BRAF: variants seen among roughly 807,000 people sequenced by gnomAD.
BRAF encodes B-Raf proto-oncogene, serine/threonine kinase, also known as serine/threonine-protein kinase B-raf.
A neutral mutation model predicts 104.6 loss-of-function variants in BRAF; 16 were observed. The ratio of observed to expected loss-of-function variants is 0.15; its 90% CI spans 0.10 to 0.23. The LOEUF is 0.23. BRAF is among the 10% of genes least tolerant of loss of function. The pLI is 1.00. For synonymous variants in BRAF, 310 were observed against 341.6 expected (o/e 0.91, Z 1.02); for missense variants, 541 against 937.3 (o/e 0.58, Z 5.52).
chr7:140,891,861 T>C (rs1366429762), intron 1 of BRAF, among the ~76,000 whole-genome samples: 5 of 152,206 alleles, frequency 3.3e-5, no homozygotes, highest in Non-Finnish European at 5.9e-5. Context: ...AAGGATTTGA[T>C]TGGTATTAAA....
At chr7:140,739,519 T>G (rs1391124308) in intron 18 of BRAF, among the ~76,000 whole-genome samples, 1 of 135,110 alleles carries the variant, frequency 7.4e-6, no homozygotes, top group Non-Finnish European at 1.7e-5. Context: ...AAGCTCTTTG[T>G]GGGGGGGGGG....
At chr7:140,802,182 T>C (rs909608290) in intron 5 of BRAF, among the ~76,000 whole-genome samples, 1 of 152,088 alleles carries the variant, frequency 6.6e-6, no homozygotes, top group African/African-American at 2.4e-5. Flanking sequence ...ATGGACTTCA[T>C]ACCACAGTGG....
the BRAF span, among the ~76,000 whole-genome samples, chr7:140,713,362 C>A: frequency 6.6e-6 from 1 of 152,282 alleles, no homozygotes; most frequent in South Asian, 2.1e-4. Context: ...TCATTCATTT[C>A]ATCTTCCATC....
At chr7:140,886,841 A>G (rs1162940940) in intron 1 of BRAF, among the ~76,000 whole-genome samples, 4 of 152,194 alleles carry the variant, frequency 2.6e-5, no homozygotes, top group East Asian at 3.9e-4. Context: ...AGCCCAGGAC[A>G]TAAGTAATTT....
intron 17 of BRAF, 146 bp from the exon 17 acceptor site, chr7:140,740,092 T>C: frequency 1.2e-6 from 1 of 805,174 alleles, no homozygotes; most frequent in Non-Finnish European, 1.9e-6. Context: ...AAAAAACCAA[T>C]GCCACATCAT....
intron 1 of BRAF, among the ~76,000 whole-genome samples, chr7:140,916,001 A>C (rs1009778864): frequency 7.9e-5 from 12 of 152,134 alleles, no homozygotes; most frequent in Middle Eastern, 3.4e-3. Flanking sequence ...AACAAACAAA[A>C]AAAACCCAAG....
intron 7 of BRAF, among the ~76,000 whole-genome samples, chr7:140,798,660 AT>A (rs1321840557): frequency 6.6e-6 from 1 of 150,682 alleles, no homozygotes; most frequent in Non-Finnish European, 1.5e-5. Context: ...TGTGTCAGAA[AT>A]GTTCCAAAGC....
intron 17 of BRAF, among the ~76,000 whole-genome samples, chr7:140,746,437 C>A (rs1562937771): frequency 6.6e-6 from 1 of 152,092 alleles, no homozygotes. Flanking sequence ...AAAAGGCACA[C>A]TACTTTGCAA....
At chr7:140,768,826 G>A (rs1799572671) in intron 14 of BRAF, among the ~76,000 whole-genome samples, 1 of 151,778 alleles carries the variant, frequency 6.6e-6, no homozygotes. Flanking sequence ...ACTGTGAAAG[G>A]GGGTTGCTAT....
intron 3 of BRAF, among the ~76,000 whole-genome samples, chr7:140,830,112 T>A (rs1340792584): frequency 2.0e-5 from 3 of 152,248 alleles, no homozygotes; most frequent in Admixed American, 2.0e-4. Context: ...TCTGTGGTCC[T>A]CTGAATGACT....
At chr7:140,762,434 G>C (rs1413664960) in intron 14 of BRAF, among the ~76,000 whole-genome samples, 2 of 152,118 alleles carry the variant, frequency 1.3e-5, no homozygotes, top group African/African-American at 4.8e-5. Flanking sequence ...ACAAGAGAAA[G>C]CAGGAAAGAT....
Position 140,896,191 on chromosome 7 carries a change from G to A in BRAF, c.138+28375C>T, listed in dbSNP as rs77593714. Among the ~76,000 whole-genome samples the A allele has an allele frequency of 7.6e-3, 1,164 of 152,236 alleles. 18 individuals are homozygous for A. Among genetic ancestry groups the A allele is most frequent in the African/African-American group, 0.026 (1,100 of 41,520 alleles). On this transcript the variant is annotated intron_variant, in intron 1 of 19. Coordinates refer to ENST00000644969, the MANE Select transcript of BRAF (RefSeq NM_001374258.1). ...ACCTGGGGCCAGATGATACCACACT[G>A]TGGTTTCACCTTGTAGTTTTGGGTC...
intron 14 of BRAF, among the ~76,000 whole-genome samples, chr7:140,759,730 AAAG>A (rs1285778644): frequency 6.6e-6 from 1 of 152,206 alleles, no homozygotes; most frequent in African/African-American, 2.4e-5. Flanking sequence ...ACGAAACACC[AAAG>A]AAGGAGAGGA....
chr7:140,722,724 CAA>C lies in BRAF; in HGVS notation c.*3768_*3769del. ...GCCTGTGCATGTGACAAAGCTGCAG[CAA>C]ACTCATTATGAGGATGTACTGTCAT... On this transcript the variant is annotated 3_prime_UTR_variant, in exon 20 of 20. Transcript: ENST00000644969. 1 of 1,050,600 alleles carries C rather than the reference CAA, an allele frequency of 9.5e-7. No homozygotes were observed. The highest frequency in any genetic ancestry group is 1.1e-6 in the Non-Finnish European group (1 of 870,162). 65.1% of individuals were successfully genotyped at this position (1,050,600 alleles called of 1,614,324 possible).
At position 140,879,019 on chromosome 7, in the gene BRAF, C is replaced by A. The variant is rs565616624; in HGVS notation, c.139-28807G>T. Among the ~76,000 whole-genome samples the A allele has an allele frequency of 2.0e-5, 3 of 152,096 alleles. No homozygotes were observed. In the South Asian group the frequency reaches 6.2e-4, roughly 32 times the overall value. On this transcript the variant is annotated intron_variant, in intron 1 of 19. Coordinates refer to ENST00000644969, the MANE Select transcript of BRAF (RefSeq NM_001374258.1). Reference sequence around the variant, plus strand: ...CCTCCCAAGCAGTTGGGATTACAGGCATGCACCACCATGCCCAGCTAATTT... The same window carrying A: ...CCTCCCAAGCAGTTGGGATTACAGGAATGCACCACCATGCCCAGCTAATTT...
At chr7:140,808,227 T>C in intron 4 of BRAF, 165 bp from the exon 5 acceptor site, 1 of 679,524 alleles carries the variant, frequency 1.5e-6, no homozygotes, top group Non-Finnish European at 2.7e-6. Flanking sequence ...TAAATTAATT[T>C]TAAGTTTACC....
intron 18 of BRAF, among the ~76,000 whole-genome samples, chr7:140,737,496 G>C (rs963411401): frequency 5.3e-5 from 8 of 152,084 alleles, no homozygotes; most frequent in African/African-American, 1.9e-4. Flanking sequence ...TATTCCCTTT[G>C]CCCATTTTCT....
At position 140,788,216 on chromosome 7, in the gene BRAF, T is replaced by C. The variant is rs771157451; in HGVS notation, c.1141-632A>G. 4.1e-4 allele frequency among the ~76,000 whole-genome samples: 62 copies of C among 152,142 alleles called. 1 individual carries two copies. The highest frequency in any genetic ancestry group is 2.9e-3 in the Admixed American group (45 of 15,278). On this transcript the variant is annotated intron_variant, in intron 8 of 19. Transcript: ENST00000644969. ...TTATACTGGTGCACATTAAGAGAGA[T>C]AAAAATGTTCATATCCTTTGATTCT... is the stretch of plus-strand genomic sequence containing the variant.
chr7:140,731,649 A>G (rs1342758977), intron 19 of BRAF: 1 of 152,224 alleles, frequency 6.6e-6, no homozygotes, highest in Non-Finnish European at 1.5e-5. Context: ...TTTAGTATCT[A>G]AATGGCTGGT....
Sources: allele counts gnomAD v4.1 joint callset (sites outside exome capture counted in the v4.1 genomes callset), GRCh38; gene constraint gnomAD v4.1.1; transcripts MANE v1.5; gene names NCBI Gene and HGNC (gene_info 2026-07-23, HGNC 2026-07-21).